PTPRT: variants seen among roughly 807,000 people sequenced by gnomAD.
The protein encoded by PTPRT is protein tyrosine phosphatase receptor type T, also known as receptor-type tyrosine-protein phosphatase T.
PTPRT carries 56 observed loss-of-function variants against 176.8 expected under a neutral mutation model. The observed-to-expected ratio is 0.32, with a 90% CI of 0.26 to 0.40. The LOEUF (loss-of-function observed/expected upper bound fraction) is 0.40. Ranked by LOEUF, PTPRT falls within the 10% of genes least tolerant of loss-of-function variation. PTPRT has a pLI of 1.00. For missense variants in PTPRT, 1,540 were observed against 1,908.2 expected (o/e 0.81, Z 3.60); for synonymous variants, 783 against 739.0 (o/e 1.06, Z -0.96).
chr20:42,718,096 G>C (rs967544303), intron 6 of PTPRT, among the ~76,000 whole-genome samples: 1 of 152,236 alleles, frequency 6.6e-6, no homozygotes, highest in African/African-American at 2.4e-5. Flanking sequence ...ATATCCAAGA[G>C]AAATGGAGTC....
At chr20:43,057,236 T>A (rs1234974054) in intron 1 of PTPRT, among the ~76,000 whole-genome samples, 1 of 128,576 alleles carries the variant, frequency 7.8e-6, no homozygotes, top group Non-Finnish European at 1.6e-5. Context: ...ATGATGAAAG[T>A]TCATGGGGGT....
At chr20:43,164,578 G>A (rs2014802877) in intron 1 of PTPRT, among the ~76,000 whole-genome samples, 1 of 152,074 alleles carries the variant, frequency 6.6e-6, no homozygotes, top group African/African-American at 2.4e-5. Context: ...TTGACTATAC[G>A]AGAAGAGAAA....
At chr20:42,032,649 C>T in the PTPRT span, among the ~76,000 whole-genome samples, 27 of 152,132 alleles carry the variant, frequency 1.8e-4, no homozygotes, top group African/African-American at 6.5e-4. Flanking sequence ...TGTGGGCTGG[C>T]CTTGCAGACT....
At chr20:42,985,366 G>A (rs896736151) in intron 1 of PTPRT, among the ~76,000 whole-genome samples, 3 of 152,022 alleles carry the variant, frequency 2.0e-5, no homozygotes, top group Non-Finnish European at 4.4e-5. Flanking sequence ...CTGGTGGCTC[G>A]TGCCTGTAAT....
In PTPRT at chr20:43,189,646, C is replaced by T; in HGVS notation, c.88G>A (p.Gly30Ser). Residue 30 changes from glycine (G) to serine (S), a missense_variant and splice_region_variant, in exon 1 of 31, where the codon GGT becomes AGT. Around this residue, in one of 11 missense-constraint regions of PTPRT, gnomAD observed 116 missense variants for 118.5 expected, o/e 0.98. Coordinates refer to ENST00000373187, the MANE Select transcript of PTPRT (RefSeq NM_007050.6). This position sits in a 1 kb window ranked among gnomAD's most constrained non-coding sequence, Gnocchi z 5.0. ...AGGGGAGCCGGGCGGGCGCACTCAC[C>T]TGCGGCGCTCTGAGCCCGGGCGCCG... is the stretch of plus-strand genomic sequence containing the variant. ...LPGARAQSAAGGCSFDEHYSN... is the reference protein window; with the variant it reads ...LPGARAQSAASGCSFDEHYSN... The T allele has an allele frequency of 7.7e-7, 1 of 1,300,326 alleles. No homozygotes were observed. The highest frequency in any genetic ancestry group is 9.7e-7 in the Non-Finnish European group (1 of 1,025,896). 80.5% of individuals were successfully genotyped at this position (1,300,326 alleles called of 1,614,324 possible).
At chr20:43,012,643 T>C (rs540562164) in intron 1 of PTPRT, among the ~76,000 whole-genome samples, 4 of 152,186 alleles carry the variant, frequency 2.6e-5, no homozygotes, top group African/African-American at 2.4e-5. Context: ...TCCAAAGCCA[T>C]GAGAAGAATG....
chr20:42,525,582 T>C (rs2072253838), intron 7 of PTPRT, among the ~76,000 whole-genome samples: 1 of 152,238 alleles, frequency 6.6e-6, no homozygotes, highest in Non-Finnish European at 1.5e-5. Context: ...TCTCCCAACA[T>C]ATACGTAATT....
intron 6 of PTPRT, among the ~76,000 whole-genome samples, chr20:42,704,431 C>CAAAAAAAAAA (rs3091987): frequency 1.5e-5 from 2 of 133,748 alleles, no homozygotes; most frequent in Non-Finnish European, 3.3e-5. Flanking sequence ...CGTTGATATC[C>CAAAAAAAAAA]AAAAAAAAAA....
intron 12 of PTPRT, among the ~76,000 whole-genome samples, chr20:42,291,539 G>A (rs959667038): frequency 4.6e-5 from 7 of 152,178 alleles, no homozygotes; most frequent in Non-Finnish European, 7.4e-5. Context: ...TAAGTGAGAA[G>A]TGCCAGGTGC....
At chr20:42,550,295 A>C (rs2072745551) in intron 7 of PTPRT, among the ~76,000 whole-genome samples, 1 of 152,132 alleles carries the variant, frequency 6.6e-6, no homozygotes, top group East Asian at 1.9e-4. Context: ...GAAGGGACTC[A>C]CTAGCAAATG....
chr20:42,758,101 G>A (rs762048762), intron 5 of PTPRT, among the ~76,000 whole-genome samples: 2 of 152,254 alleles, frequency 1.3e-5, no homozygotes, highest in African/African-American at 2.4e-5. Flanking sequence ...TTTTTACTAA[G>A]ACCATATTCT....
At chr20:42,921,089 T>G (rs576171001) in intron 1 of PTPRT, among the ~76,000 whole-genome samples, 2 of 152,242 alleles carry the variant, frequency 1.3e-5, no homozygotes, top group East Asian at 3.9e-4. Context: ...AAAATGAGCT[T>G]GCACTAACAT....
intron 30 of PTPRT, 49 bp downstream of exon 30, chr20:42,081,833 G>C: frequency 6.2e-7 from 1 of 1,601,434 alleles, no homozygotes; most frequent in East Asian, 2.2e-5. Flanking sequence ...TCCAGGTCAA[G>C]GGAACTAGTC....
chr20:42,695,740 C>G (rs1220868087), intron 6 of PTPRT, among the ~76,000 whole-genome samples: 2 of 152,148 alleles, frequency 1.3e-5, no homozygotes, highest in Non-Finnish European at 2.9e-5. Flanking sequence ...TAGTAAGCAG[C>G]TGTCAATCTG....
chr20:42,415,242 T>C (rs910514340), intron 9 of PTPRT, among the ~76,000 whole-genome samples: 4 of 152,136 alleles, frequency 2.6e-5, no homozygotes, highest in Non-Finnish European at 4.4e-5. Context: ...AGTGCAGTGG[T>C]GTAATTATGG....
At chr20:43,053,203 T>C (rs1987112609) in intron 1 of PTPRT, among the ~76,000 whole-genome samples, 1 of 152,204 alleles carries the variant, frequency 6.6e-6, no homozygotes, top group Admixed American at 6.5e-5. Flanking sequence ...TCTTCTTGTG[T>C]TCCTTCTCTC....
In PTPRT at chr20:42,128,751, C is replaced by G; in HGVS notation, c.2847+3G>C. 1 of 1,587,874 alleles carries G rather than the reference C, an allele frequency of 6.3e-7. No homozygotes were observed. Among genetic ancestry groups the G allele is most frequent in the Non-Finnish European group, 8.6e-7 (1 of 1,165,030 alleles). ...CAGCCCCCAGCCCCATTAAGACACT[C>G]ACGTCAATGTAGTTGGCATTGATGT... On this transcript the variant is annotated splice_donor_region_variant and intron_variant, in intron 19 of 30. Coordinates refer to ENST00000373187, the MANE Select transcript of PTPRT (RefSeq NM_007050.6).
intron 1 of PTPRT, among the ~76,000 whole-genome samples, chr20:43,028,504 A>C (rs928889679): frequency 4.6e-5 from 7 of 152,180 alleles, no homozygotes; most frequent in African/African-American, 1.7e-4. Context: ...ATCTTAGGGA[A>C]CTGAATGCTA....
intron 6 of PTPRT, among the ~76,000 whole-genome samples, chr20:42,740,464 G>A (rs1203708595): frequency 6.6e-6 from 1 of 152,134 alleles, no homozygotes. Context: ...TGCAGCCCCT[G>A]CCGAGTCCTC....
Sources: gnomAD v4.1 joint callset for allele counts (sites outside exome capture counted in the v4.1 genomes callset) on GRCh38, gnomAD v4.1.1 for gene constraint, gnomAD v4.1.1 regional missense constraint, Gnocchi (gnomAD v3.1) non-coding constraint, MANE v1.5 for transcripts, NCBI Gene and HGNC (gene_info 2026-07-23, HGNC 2026-07-21) for gene names.